FGF12: variants seen among roughly 807,000 people sequenced by gnomAD.
FGF12 encodes the protein fibroblast growth factor 12.
A neutral mutation model predicts 23.6 loss-of-function variants in FGF12; 14 were observed. The ratio of observed to expected loss-of-function variants is 0.59; its 90% CI spans 0.39 to 0.93. The LOEUF (loss-of-function observed/expected upper bound fraction) is 0.93. Ranked by LOEUF, FGF12 falls within the 40% of genes least tolerant of loss-of-function variation. FGF12 has a pLI of 0.00. For missense variants in FGF12, 175 were observed against 217.8 expected (o/e 0.80, Z 1.24); for synonymous variants, 62 against 77.3 (o/e 0.80, Z 1.04).
rs184812859 is a variant in FGF12, at chr3:192,353,500, G to T, written c.124+6928C>A. ...TTCTCCTGCCTCAGCCTCCCGAGTA[G>T]CCAGGACTACAGGCGCCCGCCACCA... On this transcript the variant is annotated intron_variant, in intron 3 of 5. Transcript: ENST00000445105. Among the ~76,000 whole-genome samples, 7 of 150,912 alleles carry T rather than the reference G, an allele frequency of 4.6e-5. No individual in the cohort carries two copies. In the East Asian group the frequency reaches 1.4e-3, roughly 30 times the overall value.
chr3:192,535,106 G>A (rs1011388022), intron 2 of FGF12, among the ~76,000 whole-genome samples: 1 of 152,054 alleles, frequency 6.6e-6, no homozygotes, highest in East Asian at 1.9e-4. Context: ...TCCTGAAATA[G>A]TATATAAGGT....
chr3:192,339,118 C>A (rs188454831), intron 3 of FGF12, among the ~76,000 whole-genome samples: 2 of 152,250 alleles, frequency 1.3e-5, no homozygotes, highest in Admixed American at 6.5e-5. Context: ...GTGAGACTTA[C>A]TAAGCCCATT....
At chr3:192,620,966 C>A (rs376912266) in intron 2 of FGF12, among the ~76,000 whole-genome samples, 1 of 152,150 alleles carries the variant, frequency 6.6e-6, no homozygotes, top group African/African-American at 2.4e-5. Flanking sequence ...TAACTCCCAG[C>A]ATCATCTGAC....
At chr3:192,538,195 G>T (rs964337259) in intron 2 of FGF12, among the ~76,000 whole-genome samples, 1 of 151,936 alleles carries the variant, frequency 6.6e-6, no homozygotes, top group Non-Finnish European at 1.5e-5. Context: ...TGATCCGCCC[G>T]CCTCGGCCTC....
intron 2 of FGF12, among the ~76,000 whole-genome samples, chr3:192,674,920 T>C (rs1717268777): frequency 6.6e-6 from 1 of 152,162 alleles, no homozygotes; most frequent in Non-Finnish European, 1.5e-5. Context: ...GCCAAACCCT[T>C]TGCAAGAACA....
chr3:192,154,888 C>T (rs1714285175), intron 5 of FGF12, among the ~76,000 whole-genome samples: 1 of 136,142 alleles, frequency 7.3e-6, no homozygotes, highest in African/African-American at 2.7e-5. Context: ...CAAGCCTGGG[C>T]AATGGCGGGC....
chr3:192,616,643 T>A (rs894767422), intron 2 of FGF12, among the ~76,000 whole-genome samples: 1 of 151,960 alleles, frequency 6.6e-6, no homozygotes, highest in Non-Finnish European at 1.5e-5. Context: ...GAAGAGAAGA[T>A]GAGTAGCTCA....
At chr3:192,375,527 C>A (rs1719446966) in intron 2 of FGF12, among the ~76,000 whole-genome samples, 1 of 152,194 alleles carries the variant, frequency 6.6e-6, no homozygotes, top group African/African-American at 2.4e-5. Context: ...CTCAAATCCA[C>A]ATATTCCTAT....
chr3:192,669,230 AT>A (rs1717013040), intron 2 of FGF12, among the ~76,000 whole-genome samples: 1 of 152,186 alleles, frequency 6.6e-6, no homozygotes, highest in Non-Finnish European at 1.5e-5. Flanking sequence ...AAGAGATGTT[AT>A]TATGGCTAGG....
intron 4 of FGF12, among the ~76,000 whole-genome samples, chr3:192,194,052 C>T (rs558539907): frequency 6.6e-6 from 1 of 152,240 alleles, no homozygotes; most frequent in South Asian, 2.1e-4. Context: ...TATTTCTGGT[C>T]CTAACATAAT....
At chr3:192,592,509 A>T (rs1318847703) in intron 2 of FGF12, among the ~76,000 whole-genome samples, 2 of 151,658 alleles carry the variant, frequency 1.3e-5, no homozygotes, top group Admixed American at 6.6e-5. Flanking sequence ...TCTTAGGGTT[A>T]TGGGAAACTT....
At chr3:192,477,313 CAA>C (rs1723353484) in intron 2 of FGF12, among the ~76,000 whole-genome samples, 1 of 152,170 alleles carries the variant, frequency 6.6e-6, no homozygotes, top group Non-Finnish European at 1.5e-5. Context: ...TCATGCCCCT[CAA>C]AGAGTTCACA....
chr3:192,248,618 A>C (rs950355314), intron 4 of FGF12, among the ~76,000 whole-genome samples: 15 of 152,074 alleles, frequency 9.9e-5, no homozygotes, highest in African/African-American at 3.1e-4. Flanking sequence ...ACAAAAAATA[A>C]AAACAAAAAA....
At chr3:192,403,218 C>T (rs543724290) in intron 2 of FGF12, among the ~76,000 whole-genome samples, 54 of 152,268 alleles carry the variant, frequency 3.5e-4, no homozygotes, top group African/African-American at 1.3e-3. Context: ...ACAAAGCTTA[C>T]ATTTCTAAAG....
At chr3:192,261,124 A>G (rs1284423096) in intron 4 of FGF12, among the ~76,000 whole-genome samples, 2 of 152,170 alleles carry the variant, frequency 1.3e-5, no homozygotes, top group African/African-American at 4.8e-5. Context: ...TATCTGCAAT[A>G]GAAATATCAG....
At chr3:192,391,217 C>T (rs1292952883) in intron 2 of FGF12, among the ~76,000 whole-genome samples, 1 of 152,136 alleles carries the variant, frequency 6.6e-6, no homozygotes, top group Non-Finnish European at 1.5e-5. Flanking sequence ...TTGTGGACAA[C>T]AATATGCTCA....
At chr3:192,668,622 C>T (rs62294787) in intron 2 of FGF12, among the ~76,000 whole-genome samples, 8,321 of 152,130 alleles carry the variant, frequency 0.055, 253 homozygotes, top group Middle Eastern at 0.086. Flanking sequence ...ATTTGACTAC[C>T]CAGAAACGGC....
chr3:192,520,254 A>C (rs1724784240), intron 2 of FGF12, among the ~76,000 whole-genome samples: 1 of 152,226 alleles, frequency 6.6e-6, no homozygotes, highest in Admixed American at 6.5e-5. Flanking sequence ...AGATATCGTT[A>C]ATACTTCAAT....
intron 2 of FGF12, among the ~76,000 whole-genome samples, chr3:192,467,222 T>C (rs1349162806): frequency 1.3e-5 from 2 of 152,188 alleles, no homozygotes; most frequent in Non-Finnish European, 2.9e-5. Context: ...TTCAACTGCA[T>C]GGGCCTGGGT....
Sources: gnomAD v4.1 joint callset for allele counts (sites outside exome capture counted in the v4.1 genomes callset) on GRCh38, gnomAD v4.1.1 for gene constraint, MANE v1.5 for transcripts, NCBI Gene and HGNC (gene_info 2026-07-23, HGNC 2026-07-21) for gene names.